Variants in RCAN2 observed in about 807,000 individuals in gnomAD.
The protein encoded by RCAN2 is calcipressin-2.
Under a neutral mutation model 23.6 loss-of-function variants are expected in RCAN2, and 9 were observed. That is an observed-to-expected ratio of 0.38 (90% CI 0.23 to 0.67). The LOEUF (loss-of-function observed/expected upper bound fraction) is 0.67. Among genes scored for constraint, RCAN2 ranks in the 30% least tolerant of loss-of-function variants. RCAN2 has a pLI of 0.51. For synonymous variants in RCAN2, 109 were observed against 115.7 expected, an observed-to-expected ratio of 0.94 and a Z score of 0.37; for missense variants, 273 against 302.3, an observed-to-expected ratio of 0.90 and a Z score of 0.72.
intron 2 of RCAN2, among the ~76,000 whole-genome samples, chr6:46,414,705 T>C (rs1484599727): frequency 6.6e-6 from 1 of 152,194 alleles, no homozygotes; most frequent in Non-Finnish European, 1.5e-5. Context: ...GAACTGCAGC[T>C]CTTCTCTAGG....
At chr6:46,490,578 G>A (rs1470064365) in intron 1 of RCAN2, among the ~76,000 whole-genome samples, 1 of 152,076 alleles carries the variant, frequency 6.6e-6, no homozygotes, top group Non-Finnish European at 1.5e-5. Flanking sequence ...CAGGCAGGAC[G>A]AACCCGGCAC....
At chr6:46,409,309 A>C (rs369290456) in intron 2 of RCAN2, among the ~76,000 whole-genome samples, 14 of 152,362 alleles carry the variant, frequency 9.2e-5, no homozygotes, top group South Asian at 2.1e-4. Context: ...TAACCAAATC[A>C]GAAATATAAT....
intron 2 of RCAN2, among the ~76,000 whole-genome samples, chr6:46,313,005 CATA>C (rs1763313455): frequency 6.6e-6 from 1 of 152,212 alleles, no homozygotes; most frequent in Admixed American, 6.5e-5. Context: ...CAAACTCCTT[CATA>C]ATGTGACCCC....
chr6:46,358,872 G>A (rs1419786918), intron 2 of RCAN2, among the ~76,000 whole-genome samples: 2 of 152,180 alleles, frequency 1.3e-5, no homozygotes, highest in East Asian at 3.9e-4. Context: ...AAGCATTGGT[G>A]TCGTTTAAAG....
At chr6:46,246,607 C>G (rs1420823574) in intron 4 of RCAN2, 141 bp downstream of exon 4, 2 of 707,772 alleles carry the variant, frequency 2.8e-6, no homozygotes, top group East Asian at 5.9e-5. Context: ...CCATCATTCC[C>G]TCTCATTGTC....
chr6:46,388,778 T>C (rs1007277790), intron 2 of RCAN2, among the ~76,000 whole-genome samples: 1 of 151,992 alleles, frequency 6.6e-6, no homozygotes, highest in Non-Finnish European at 1.5e-5. Flanking sequence ...GAGGTGAACA[T>C]CACACACCGG....
At chr6:46,325,751 CT>C in intron 2 of RCAN2, 1 of 1,250,674 alleles carries the variant, frequency 8.0e-7, no homozygotes. Context: ...TTCTCCAAGC[CT>C]TTTATCTCTA....
intron 2 of RCAN2, among the ~76,000 whole-genome samples, chr6:46,454,445 T>C (rs1261327385): frequency 1.3e-5 from 2 of 152,164 alleles, no homozygotes; most frequent in South Asian, 2.1e-4. Flanking sequence ...TCTTGTTTTG[T>C]CACCTTAAAC....
At chr6:46,346,700 G>A (rs1764492861) in intron 2 of RCAN2, among the ~76,000 whole-genome samples, 2 of 151,850 alleles carry the variant, frequency 1.3e-5, no homozygotes, top group Non-Finnish European at 2.9e-5. Context: ...CTGAAAAAAT[G>A]CATCAAAATA....
chr6:46,430,924 G>A (rs187662591), intron 2 of RCAN2, among the ~76,000 whole-genome samples: 93 of 152,308 alleles, frequency 6.1e-4, no homozygotes, highest in African/African-American at 2.1e-3. Flanking sequence ...AAATACTTTT[G>A]CGTAGAGAAC....
intron 1 of RCAN2, among the ~76,000 whole-genome samples, chr6:46,478,123 A>G (rs1768762751): frequency 6.6e-6 from 1 of 152,246 alleles, no homozygotes; most frequent in African/African-American, 2.4e-5. Context: ...AAAGAATGAA[A>G]GAGCTGGCAG....
chr6:46,366,773 T>G (rs993149061), intron 2 of RCAN2, among the ~76,000 whole-genome samples: 3 of 151,490 alleles, frequency 2.0e-5, no homozygotes, highest in Admixed American at 6.6e-5. Context: ...ACCCCTACCC[T>G]TCTCCTTGGG....
intron 2 of RCAN2, among the ~76,000 whole-genome samples, chr6:46,300,809 C>G (rs894102083): frequency 6.6e-6 from 1 of 151,914 alleles, no homozygotes; most frequent in Non-Finnish European, 1.5e-5. Context: ...CTAAAGATTT[C>G]ATTTAGCTAG....
intron 2 of RCAN2, among the ~76,000 whole-genome samples, chr6:46,284,887 G>T (rs1308087832): frequency 1.3e-5 from 2 of 152,198 alleles, no homozygotes; most frequent in Non-Finnish European, 2.9e-5. Flanking sequence ...ATACTCAACT[G>T]TTAAGATGCC....
At chr6:46,386,643 C>T (rs1415193598) in intron 2 of RCAN2, among the ~76,000 whole-genome samples, 1 of 135,888 alleles carries the variant, frequency 7.4e-6, no homozygotes, top group East Asian at 2.2e-4. Flanking sequence ...AAACTAAAAA[C>T]TAATGAGATA....
chr6:46,374,919 G>T (rs1180459734), intron 2 of RCAN2, among the ~76,000 whole-genome samples: 1 of 152,042 alleles, frequency 6.6e-6, no homozygotes, highest in African/African-American at 2.4e-5. Flanking sequence ...TGTATTTATT[G>T]TTTTTGAAAT....
intron 2 of RCAN2, among the ~76,000 whole-genome samples, chr6:46,403,862 TG>T (rs1264402825): frequency 6.6e-6 from 1 of 152,188 alleles, no homozygotes; most frequent in African/African-American, 2.4e-5. Context: ...GTAGGTGTTC[TG>T]GGCCGATGAG....
At chr6:46,244,121 G>T (rs1482089107) in intron 4 of RCAN2, among the ~76,000 whole-genome samples, 1 of 152,114 alleles carries the variant, frequency 6.6e-6, no homozygotes, top group Admixed American at 6.6e-5. Flanking sequence ...TACAAAGCAG[G>T]GCCCTTCAAA....
chr6:46,248,679 T>G, intron 3 of RCAN2, 44 bp downstream of exon 3: 4 of 1,461,650 alleles, frequency 2.7e-6, no homozygotes, highest in Non-Finnish European at 3.7e-6. Context: ...TGGTAAAAAA[T>G]AATGTAGGGC....
Sources: allele counts gnomAD v4.1 joint callset (sites outside exome capture counted in the v4.1 genomes callset), GRCh38; gene constraint gnomAD v4.1.1; transcripts MANE v1.5; gene names NCBI Gene and HGNC (gene_info 2026-07-23, HGNC 2026-07-21).